Variants in PPARGC1A observed in about 807,000 individuals in gnomAD.
PPARGC1A encodes the protein peroxisome proliferator-activated receptor gamma coactivator 1-alpha.
A neutral mutation model predicts 88.7 loss-of-function variants in PPARGC1A; 25 were observed. The observed-to-expected ratio is 0.28, with a 90% CI of 0.21 to 0.39. The LOEUF is 0.39. Among genes scored for constraint, PPARGC1A ranks in the 10% least tolerant of loss-of-function variants. The pLI is 1.00. For synonymous variants in PPARGC1A, 363 were observed against 355.6 expected (o/e 1.02, Z -0.24); for missense variants, 880 against 968.7 (o/e 0.91, Z 1.22).
the PPARGC1A span, among the ~76,000 whole-genome samples, chr4:24,447,352 G>T: frequency 6.6e-6 from 1 of 152,172 alleles, no homozygotes; most frequent in Admixed American, 6.5e-5. Context: ...GTCAACCAGA[G>T]AAGGGACACA....
chr4:23,905,176 T>A (rs528320908), upstream of PPARGC1A, among the ~76,000 whole-genome samples: 8 of 152,336 alleles, frequency 5.3e-5, no homozygotes, highest in African/African-American at 1.4e-4. Context: ...TATTGACAAC[T>A]TTATGGAATG....
chr4:24,114,626 G>A, the PPARGC1A span, among the ~76,000 whole-genome samples: 4 of 152,090 alleles, frequency 2.6e-5, no homozygotes, highest in South Asian at 2.1e-4. Context: ...CAACATTTAC[G>A]CAGGGTTGAA....
the PPARGC1A span, among the ~76,000 whole-genome samples, chr4:24,469,268 T>C: frequency 6.6e-5 from 10 of 152,290 alleles, no homozygotes; most frequent in African/African-American, 2.2e-4. Flanking sequence ...TAGGAGCAGG[T>C]TTCTCAAACA....
chr4:24,398,959 C>G, the PPARGC1A span, among the ~76,000 whole-genome samples: 3 of 152,170 alleles, frequency 2.0e-5, no homozygotes, highest in African/African-American at 4.8e-5. Context: ...GCTAAAATAA[C>G]TCTCTTGGCC....
chr4:24,115,389 G>A, the PPARGC1A span, among the ~76,000 whole-genome samples: 8 of 152,046 alleles, frequency 5.3e-5, no homozygotes, highest in Non-Finnish European at 7.4e-5. Flanking sequence ...CTGGCAAAGG[G>A]CAGGTAGCAA....
At chr4:24,137,423 T>C in the PPARGC1A span, among the ~76,000 whole-genome samples, 932 of 152,294 alleles carry the variant, frequency 6.1e-3, 32 homozygotes, top group East Asian at 0.098. Context: ...GACAGGGCAT[T>C]AGGAATCTCC....
chr4:23,958,204 T>C, the PPARGC1A span, among the ~76,000 whole-genome samples: 1 of 152,136 alleles, frequency 6.6e-6, no homozygotes, highest in Admixed American at 6.6e-5. Flanking sequence ...TTTACAATAA[T>C]CATCATTTTA....
At chr4:23,797,195 G>A (rs768695) in intron 12 of PPARGC1A, among the ~76,000 whole-genome samples, 76,938 of 151,798 alleles carry the variant, frequency 0.51, 19,852 homozygotes, top group East Asian at 0.69. Flanking sequence ...CATAAAAAAC[G>A]GAGACAAAAC....
At chr4:24,012,087 A>G in the PPARGC1A span, among the ~76,000 whole-genome samples, 1 of 152,146 alleles carries the variant, frequency 6.6e-6, no homozygotes, top group Non-Finnish European at 1.5e-5. Context: ...CGCCTATAAT[A>G]TTCACTTAGA....
chr4:24,089,510 CTTTCT>C, the PPARGC1A span, among the ~76,000 whole-genome samples: 39 of 33,834 alleles, frequency 1.2e-3, no homozygotes, highest in Admixed American at 6.1e-3. Context: ...CTTTTCTTTT[CTTTCT>C]TTTTTTTTTT....
chr4:24,269,688 A>G, the PPARGC1A span, among the ~76,000 whole-genome samples: 1 of 151,318 alleles, frequency 6.6e-6, no homozygotes, highest in Non-Finnish European at 1.5e-5. Context: ...TCATCACACA[A>G]AAAAACTCAA....
chr4:23,862,734 G>A (rs1264041666), intron 2 of PPARGC1A, among the ~76,000 whole-genome samples: 1 of 152,166 alleles, frequency 6.6e-6, no homozygotes, highest in Non-Finnish European at 1.5e-5. Context: ...ATTATTATTG[G>A]CAAGAAGAAG....
At chr4:23,883,143 T>A (rs1307700580) in intron 2 of PPARGC1A, 5 of 152,224 alleles carry the variant, frequency 3.3e-5, no homozygotes, top group African/African-American at 1.2e-4. Context: ...AGTCCTCACA[T>A]GAACTTTCTA....
chr4:24,042,775 T>A, the PPARGC1A span, among the ~76,000 whole-genome samples: 1 of 152,164 alleles, frequency 6.6e-6, no homozygotes, highest in African/African-American at 2.4e-5. Flanking sequence ...ATGTGCCCTA[T>A]GGGTATATAA....
the PPARGC1A span, among the ~76,000 whole-genome samples, chr4:23,944,872 A>C: frequency 6.6e-6 from 1 of 152,176 alleles, no homozygotes; most frequent in Non-Finnish European, 1.5e-5. Context: ...TGAGTCAATT[A>C]AACCTCTTTC....
chr4:23,975,776 G>T, the PPARGC1A span, among the ~76,000 whole-genome samples: 1 of 152,158 alleles, frequency 6.6e-6, no homozygotes, highest in South Asian at 2.1e-4. Context: ...CTAGAACCAG[G>T]TTTTCTGAGT....
chr4:24,063,619 C>A, the PPARGC1A span, among the ~76,000 whole-genome samples: 3 of 152,150 alleles, frequency 2.0e-5, no homozygotes, highest in African/African-American at 7.2e-5. Flanking sequence ...GTGAAGGATG[C>A]AGCAGAGTGT....
the PPARGC1A span, among the ~76,000 whole-genome samples, chr4:24,313,315 C>T: frequency 4.7e-4 from 72 of 152,190 alleles, no homozygotes; most frequent in East Asian, 3.3e-3. Context: ...GAAAGAGAGG[C>T]CCAGCTCAGA....
chr4:24,176,953 G>A, the PPARGC1A span, among the ~76,000 whole-genome samples: 1 of 152,136 alleles, frequency 6.6e-6, no homozygotes, highest in Non-Finnish European at 1.5e-5. Flanking sequence ...TAAGTTCCTT[G>A]AGGGCAGGGG....
Sources: gnomAD v4.1 joint callset for allele counts (sites outside exome capture counted in the v4.1 genomes callset) on GRCh38, gnomAD v4.1.1 for gene constraint, MANE v1.5 for transcripts, NCBI Gene and HGNC (gene_info 2026-07-23, HGNC 2026-07-21) for gene names.